TBCK: variants seen among roughly 807,000 people sequenced by gnomAD.
TBCK encodes the protein TBC domain-containing protein kinase-like protein.
A neutral mutation model predicts 113.4 loss-of-function variants in TBCK; 99 were observed. The observed-to-expected ratio is 0.87, with a 90% CI of 0.74 to 1.03. TBCK has a LOEUF of 1.03. Among genes scored for constraint, TBCK ranks in the 50% least tolerant of loss-of-function variants. The pLI is 0.00. For synonymous variants in TBCK, 369 were observed against 370.8 expected (o/e 1.00, Z 0.05); for missense variants, 1,045 against 1,061.3 (o/e 0.98, Z 0.21).
chr4:106,205,582 A>T (rs934713869), intron 20 of TBCK, among the ~76,000 whole-genome samples: 15 of 105,762 alleles, frequency 1.4e-4, no homozygotes, highest in African/African-American at 5.4e-4. Flanking sequence ...TCTCCACTAA[A>T]AATACAAAAA....
chr4:106,299,419 T>C (rs1020951256), intron 2 of TBCK, among the ~76,000 whole-genome samples: 1 of 152,220 alleles, frequency 6.6e-6, no homozygotes, highest in African/African-American at 2.4e-5. Flanking sequence ...TGGATATTCA[T>C]AATTCTTCAT....
At chr4:106,313,494 C>A (rs944574583) in intron 1 of TBCK, among the ~76,000 whole-genome samples, 3 of 152,252 alleles carry the variant, frequency 2.0e-5, no homozygotes, top group Admixed American at 1.3e-4. Context: ...TACAGCTATA[C>A]GAACATTAAA....
At chr4:106,047,957 G>A (rs183248031) in intron 25 of TBCK, among the ~76,000 whole-genome samples, 45 of 152,160 alleles carry the variant, frequency 3.0e-4, no homozygotes, top group Admixed American at 2.9e-3. Flanking sequence ...TCTGCTCACA[G>A]TGCTATTGCT....
intron 3 of TBCK, among the ~76,000 whole-genome samples, chr4:106,276,886 A>G: frequency 6.6e-6 from 1 of 152,160 alleles, no homozygotes; most frequent in Non-Finnish European, 1.5e-5. Context: ...TAAAATAAAT[A>G]AAATAAAATA....
At chr4:106,116,465 C>T (rs1743519047) in intron 23 of TBCK, 87 bp from the exon 24 acceptor site, 2 of 1,074,814 alleles carry the variant, frequency 1.9e-6, no homozygotes, top group African/African-American at 1.6e-5. Flanking sequence ...TGATACCAAA[C>T]AATACAGCAT....
At chr4:106,261,848 C>A (rs1762539002) in intron 4 of TBCK, among the ~76,000 whole-genome samples, 1 of 151,812 alleles carries the variant, frequency 6.6e-6, no homozygotes, top group Non-Finnish European at 1.5e-5. Flanking sequence ...AATAAAAAAA[C>A]CATAAAGTTA....
intron 3 of TBCK, among the ~76,000 whole-genome samples, chr4:106,292,736 T>G (rs1475935366): frequency 6.6e-6 from 1 of 152,174 alleles, no homozygotes; most frequent in Non-Finnish European, 1.5e-5. Flanking sequence ...TCCAGAGATT[T>G]CTTTTAGAAA....
intron 24 of TBCK, among the ~76,000 whole-genome samples, chr4:106,100,793 C>T (rs7678229): frequency 0.13 from 19,681 of 152,126 alleles, 1,609 homozygotes; most frequent in South Asian, 0.24. Context: ...CTACTTTTAC[C>T]TACTCTAGTT....
At chr4:106,059,476 A>G (rs1356507772) in intron 25 of TBCK, among the ~76,000 whole-genome samples, 2 of 151,616 alleles carry the variant, frequency 1.3e-5, no homozygotes, top group South Asian at 4.1e-4. Flanking sequence ...ATGATCTGTG[A>G]TAAGTGATCT....
At chr4:106,237,814 T>C (rs1759639217) in intron 12 of TBCK, among the ~76,000 whole-genome samples, 1 of 152,154 alleles carries the variant, frequency 6.6e-6, no homozygotes, top group East Asian at 1.9e-4. Flanking sequence ...TCCCAAGTTT[T>C]ACTGCATTAT....
intron 3 of TBCK, among the ~76,000 whole-genome samples, chr4:106,278,592 T>C (rs1764256277): frequency 7.1e-6 from 1 of 141,514 alleles, no homozygotes; most frequent in African/African-American, 2.6e-5. Flanking sequence ...AAAGAGTTCA[T>C]GAAATGGCAA....
chr4:106,284,459 C>A (rs1305372459), intron 3 of TBCK, among the ~76,000 whole-genome samples: 1 of 152,082 alleles, frequency 6.6e-6, no homozygotes, highest in East Asian at 1.9e-4. Context: ...CAGCTGCAGA[C>A]ATAGTCTGCT....
chr4:106,213,048 A>G (rs1446574991), intron 19 of TBCK, among the ~76,000 whole-genome samples: 1 of 152,232 alleles, frequency 6.6e-6, no homozygotes, highest in Non-Finnish European at 1.5e-5. Context: ...TTCTGCCTTC[A>G]GAGTTATCAG....
chr4:106,093,051 T>C (rs1360168581), intron 25 of TBCK, among the ~76,000 whole-genome samples: 4 of 152,338 alleles, frequency 2.6e-5, no homozygotes, highest in African/African-American at 4.8e-5. Context: ...TTTCTGACTT[T>C]CTCTGAAATA....
intron 23 of TBCK, among the ~76,000 whole-genome samples, chr4:106,122,333 T>G (rs1475337011): frequency 1.3e-5 from 2 of 152,138 alleles, no homozygotes; most frequent in Non-Finnish European, 2.9e-5. Context: ...AGGAAGAAGT[T>G]GAATCTCTGA....
At chr4:106,119,766 A>T in intron 23 of TBCK, among the ~76,000 whole-genome samples, 1 of 152,230 alleles carries the variant, frequency 6.6e-6, no homozygotes, top group East Asian at 1.9e-4. Context: ...TCTCCATCAG[A>T]CAAGGGATTA....
chr4:106,286,439 C>A (rs552829134), intron 3 of TBCK, among the ~76,000 whole-genome samples: 2 of 152,154 alleles, frequency 1.3e-5, no homozygotes, highest in Non-Finnish European at 2.9e-5. Flanking sequence ...CACAGAAATG[C>A]AAAACTTTTC....
intron 19 of TBCK, among the ~76,000 whole-genome samples, chr4:106,219,733 T>A (rs1009500077): frequency 3.3e-5 from 5 of 152,090 alleles, no homozygotes; most frequent in African/African-American, 1.2e-4. Flanking sequence ...TAGACTGGGT[T>A]TTGCTATGTT....
chr4:106,132,514 C>G (rs757224198), intron 23 of TBCK, among the ~76,000 whole-genome samples: 1 of 152,232 alleles, frequency 6.6e-6, no homozygotes, highest in Non-Finnish European at 1.5e-5. Context: ...GACGTCCATG[C>G]AAAAGTTTGC....
Sources: gnomAD v4.1 joint callset for allele counts (sites outside exome capture counted in the v4.1 genomes callset) on GRCh38, gnomAD v4.1.1 for gene constraint, MANE v1.5 for transcripts, NCBI Gene and HGNC (gene_info 2026-07-23, HGNC 2026-07-21) for gene names.